FBXO27: variants seen among roughly 807,000 people sequenced by gnomAD.
The protein encoded by FBXO27 is F-box only protein 27.
In FBXO27, 28 loss-of-function variants were observed where a neutral mutation model predicts 28.3. The ratio of observed to expected loss-of-function variants is 0.99; its 90% confidence interval spans 0.73 to 1.36. The LOEUF (loss-of-function observed/expected upper bound fraction) is 1.36, where lower values mean the gene tolerates loss of function less well. FBXO27 is among the 40% of genes most tolerant of loss of function. The pLI is 0.00. For synonymous variants in FBXO27, 175 were observed against 167.3 expected, an observed-to-expected ratio of 1.05 and a Z score of -0.36; for missense variants, 388 against 394.1, an observed-to-expected ratio of 0.98 and a Z score of 0.13.
At chr19:39,010,038 G>A (rs2072787671) in intron 2 of FBXO27, among the ~76,000 whole-genome samples, 2 of 151,992 alleles carry the variant, frequency 1.3e-5, no homozygotes, top group Admixed American at 6.6e-5. Flanking sequence ...TCGAACTCCT[G>A]GACTCAAGTG....
chr19:39,025,647 G>A lies in FBXO27; in HGVS notation c.709-93C>T, dbSNP rs182661289. On this transcript the variant is annotated intron_variant, in intron 5 of 5. Coordinates refer to ENST00000292853, the MANE Select transcript of FBXO27 (RefSeq NM_178820.5). The stretch of plus-strand genomic sequence containing the variant: ...TTCTGGAAGATGGTTATTTTCCAAG[G>A]ATGGCTATAAAATCTCCAATTGGGC... The A allele has an allele frequency of 3.7e-3, 5,402 of 1,446,268 alleles. 27 individuals carry two copies. The highest frequency in any genetic ancestry group is 4.6e-3 in the Non-Finnish European group (4,958 of 1,081,820). 89.6% of individuals were successfully genotyped at this position (1,446,268 alleles called of 1,614,324 possible).
intron 1 of FBXO27, among the ~76,000 whole-genome samples, chr19:39,017,596 G>A (rs2072825830): frequency 6.6e-6 from 1 of 151,294 alleles, no homozygotes; most frequent in Admixed American, 6.6e-5. Context: ...TTGGGAGGCT[G>A]AGAATCACTT....
At chr19:39,030,990 C>T (rs927822683) in intron 4 of FBXO27, 39 bp downstream of exon 4, 2 of 1,540,436 alleles carry the variant, frequency 1.3e-6, no homozygotes, top group African/African-American at 2.7e-5. Context: ...CACATGCAGT[C>T]AGTGCTTAGC....
intron 2 of FBXO27, among the ~76,000 whole-genome samples, chr19:39,009,484 A>G (rs2072784491): frequency 6.6e-6 from 1 of 151,986 alleles, no homozygotes; most frequent in Non-Finnish European, 1.5e-5. Flanking sequence ...GCTCATATTC[A>G]TCCTACTGGG....
At chr19:39,014,004 C>T (rs1271979902) in intron 2 of FBXO27, among the ~76,000 whole-genome samples, 1 of 152,028 alleles carries the variant, frequency 6.6e-6, no homozygotes, top group Non-Finnish European at 1.5e-5. Context: ...GACAGTGAGA[C>T]TCCGTCTCAA....
downstream of FBXO27, among the ~76,000 whole-genome samples, chr19:39,023,131 G>A (rs2072853521): frequency 6.6e-6 from 1 of 152,060 alleles, no homozygotes; most frequent in Non-Finnish European, 1.5e-5. Flanking sequence ...TAGAGACGGG[G>A]TTTCACCATG....
chr19:39,016,617 A>G (rs1046488035), intron 1 of FBXO27, among the ~76,000 whole-genome samples: 1 of 150,666 alleles, frequency 6.6e-6, no homozygotes, highest in African/African-American at 2.4e-5. Flanking sequence ...AAAACCCAAA[A>G]GCCAAAAAAA....
downstream of FBXO27, among the ~76,000 whole-genome samples, chr19:39,020,755 C>CAAAAAA (rs61577516): frequency 0.39 from 40,076 of 102,912 alleles, 7,440 homozygotes; most frequent in Non-Finnish European, 0.44. Context: ...GTGGATATGG[C>CAAAAAA]AAAAAAAAAA....
intron 4 of FBXO27, among the ~76,000 whole-genome samples, chr19:39,028,461 G>A (rs546587825): frequency 3.5e-4 from 54 of 152,244 alleles, no homozygotes; most frequent in African/African-American, 1.2e-3. Context: ...CTGGCCAGCC[G>A]TGGTGGCTCA....
rs2072876709 is a variant in FBXO27 at position 39,027,011 on chromosome 19, G to A, written c.573-6C>T. On this transcript the variant is annotated splice_polypyrimidine_tract_variant and splice_region_variant and intron_variant, in intron 4 of 5. Coordinates refer to ENST00000292853, the MANE Select transcript of FBXO27 (RefSeq NM_178820.5). Reference sequence around the variant, plus strand: ...TGTCGTGTCGGGCTCCCCACCTGTGGGAGGAAGGAGCCATGAAGGCTGGAC... The same window carrying A: ...TGTCGTGTCGGGCTCCCCACCTGTGAGAGGAAGGAGCCATGAAGGCTGGAC... 2.5e-6 allele frequency: 4 copies of A among 1,613,928 alleles called. No individual in the cohort carries two copies. Among genetic ancestry groups the A allele is most frequent in the Non-Finnish European group, 3.4e-6 (4 of 1,179,970 alleles).
At chr19:39,018,935 G>A (rs1042063824) in intron 1 of FBXO27, among the ~76,000 whole-genome samples, 50 of 151,836 alleles carry the variant, frequency 3.3e-4, no homozygotes, top group African/African-American at 1.1e-3. Flanking sequence ...TGGGCATGGT[G>A]GTGGGTGCCT....
At chr19:39,019,679 C>A (rs1600225091), downstream of FBXO27, among the ~76,000 whole-genome samples, 1 of 151,952 alleles carries the variant, frequency 6.6e-6, no homozygotes, top group South Asian at 2.1e-4. Flanking sequence ...CAGATGGGTT[C>A]CCAGGTGCCA....
downstream of FBXO27, among the ~76,000 whole-genome samples, chr19:39,021,714 G>A (rs1332819859): frequency 6.6e-6 from 1 of 151,896 alleles, no homozygotes; most frequent in Non-Finnish European, 1.5e-5. Flanking sequence ...CCAGGCTGGA[G>A]TGCAGCGGTG....
In FBXO27 at chr19:39,024,863, C is replaced by A. The variant is rs1293161250; in HGVS notation, c.*548G>T. ...TTAACGTAGACTTTCAGCTGCATGA[C>A]CTGGTCCCAGCCCTGTAGCTCGGAA... On this transcript the variant is annotated 3_prime_UTR_variant, in exon 6 of 6. Coordinates refer to ENST00000292853, the MANE Select transcript of FBXO27 (RefSeq NM_178820.5). 1.3e-5 allele frequency: 2 copies of A among 152,426 alleles called. No individual in the cohort carries two copies. The highest frequency in any genetic ancestry group is 2.9e-5 in the Non-Finnish European group (2 of 68,360). The allele number at this position is 152,426 out of a possible 1,614,324, so 9.4% of individuals were successfully genotyped here. A position where few individuals can be genotyped will look rare whatever the true frequency, so the allele number is the denominator to read the frequency against.
chr19:39,029,162 A>C (rs1182762546), intron 4 of FBXO27, among the ~76,000 whole-genome samples: 1 of 151,492 alleles, frequency 6.6e-6, no homozygotes, highest in East Asian at 1.9e-4. Context: ...ACAGTGGCTT[A>C]TGCCTGTAAT....
chr19:39,018,084 A>G (rs12978163), intron 1 of FBXO27, among the ~76,000 whole-genome samples: 90,915 of 151,994 alleles, frequency 0.6, 27,499 homozygotes, highest in Middle Eastern at 0.64. Context: ...GGGTTCAAGC[A>G]ATCCTCCTGC....
intron 4 of FBXO27, among the ~76,000 whole-genome samples, chr19:39,028,912 T>G (rs1436501676): frequency 1.3e-5 from 2 of 151,678 alleles, no homozygotes; most frequent in Non-Finnish European, 2.9e-5. Flanking sequence ...TTAGCCAGTA[T>G]GCACCTGTAG....
chr19:39,017,648 C>T (rs183688414), intron 1 of FBXO27, among the ~76,000 whole-genome samples: 2 of 120,070 alleles, frequency 1.7e-5, no homozygotes, highest in African/African-American at 6.6e-5. Flanking sequence ...GCCTGGGCAA[C>T]AGCGAGACTG....
At chr19:39,017,643 G>T (rs1221241181) in intron 1 of FBXO27, among the ~76,000 whole-genome samples, 1 of 143,826 alleles carries the variant, frequency 7.0e-6, no homozygotes, top group African/African-American at 2.6e-5. Context: ...CTCCAGCCTG[G>T]GCAACAGCGA....
Sources: allele counts gnomAD v4.1 joint callset (sites outside exome capture counted in the v4.1 genomes callset), GRCh38; gene constraint gnomAD v4.1.1; transcripts MANE v1.5; gene names NCBI Gene and HGNC (gene_info 2026-07-23, HGNC 2026-07-21).